Variants in CDON observed in about 807,000 individuals in gnomAD.
CDON encodes the protein cell adhesion molecule-related/down-regulated by oncogenes.
In CDON, 73 loss-of-function variants were observed where a neutral mutation model predicts 120.9. The ratio of observed to expected loss-of-function variants is 0.60; its 90% CI spans 0.50 to 0.73. CDON has a LOEUF of 0.73. Among genes scored for constraint, CDON ranks in the 30% least tolerant of loss-of-function variants. The pLI, the probability that CDON is intolerant of heterozygous loss-of-function variation, is 0.00. For synonymous variants in CDON, 566 were observed against 573.5 expected (o/e 0.99, Z 0.19); for missense variants, 1,470 against 1,587.3 (o/e 0.93, Z 1.26).
chr11:125,973,383 T>C (rs542355150), intron 18 of CDON, among the ~76,000 whole-genome samples: 1 of 151,982 alleles, frequency 6.6e-6, no homozygotes, highest in Non-Finnish European at 1.5e-5. Context: ...ATGCAAAAAA[T>C]TAGCCGGGCG....
chr11:125,965,926 G>C (rs1292430016), intron 18 of CDON, among the ~76,000 whole-genome samples: 1 of 152,158 alleles, frequency 6.6e-6, no homozygotes, highest in East Asian at 1.9e-4. Flanking sequence ...CCTGACGTCG[G>C]GAGTTCGAGA....
Position 126,010,602 on chromosome 11 carries a change from G to A in CDON, c.1291C>T (p.Leu431=), listed in dbSNP as rs1947270881. ...FVTLSCNASG[L]PVPVIRWYDS... Reference sequence around the variant, plus strand: ...TACCAACGAATGACCGGAACCGGCAGCCCACTGGCATTGCAGGACAGAGTA... The same window carrying A: ...TACCAACGAATGACCGGAACCGGCAACCCACTGGCATTGCAGGACAGAGTA... Residue 431 remains leucine (L), a synonymous_variant, in exon 8 of 20, where the codon CTG becomes TTG. Transcript: ENST00000531738. 1.2e-6 allele frequency: 2 copies of A among 1,614,064 alleles called. No homozygotes were observed. Among genetic ancestry groups the A allele is most frequent in the Admixed American group, 1.7e-5 (1 of 60,006 alleles).
In CDON at chr11:126,004,038, C is replaced by T. The variant is rs142039749; in HGVS notation, c.1890G>A (p.Thr630=). The change falls in exon 10 of 20, where the codon ACG becomes ACA. Residue 630 remains threonine (T), a synonymous_variant. Coordinates refer to ENST00000531738, the MANE Select transcript of CDON (RefSeq NM_001378964.1). ...CATTTTCACTTCCTGGGACTCGAAC[C>T]GTGTGCCAGCTTCCCAGCATGCCAA... ...DGVGMLGSWH[T]VRVPGSENEL... 16 of 1,613,950 alleles carry T rather than the reference C, an allele frequency of 9.9e-6. No homozygotes were observed. In the East Asian group the frequency reaches 1.3e-4, roughly 14 times the overall value.
Position 125,956,862 on chromosome 11 carries a change from C to T in CDON, c.*4080G>A, listed in dbSNP as rs79685272. 5,052 of 985,742 alleles carry T rather than the reference C, an allele frequency of 5.1e-3. 214 individuals are homozygous for T. In the African/African-American group the frequency reaches 0.081, roughly 16 times the overall value. The allele number at this position is 985,742 out of a possible 1,614,324, so 61.1% of individuals were successfully genotyped here. On this transcript the variant is annotated 3_prime_UTR_variant, in exon 20 of 20. Transcript: ENST00000531738. The stretch of plus-strand genomic sequence containing the variant: ...TTAGACTTTATTAGATAAGGGGTTT[C>T]GGCTACCCTCAAAGCTCTCAGGACT...
chr11:126,028,584 A>AAC (rs35583145), intron 1 of CDON, among the ~76,000 whole-genome samples: 67 of 151,882 alleles, frequency 4.4e-4, no homozygotes, highest in Non-Finnish European at 8.5e-4. Flanking sequence ...GTTGGTCTCG[A>AAC]ACTCCTGGCC....
chr11:125,978,191 C>A, intron 18 of CDON, 113 bp downstream of exon 18: 1 of 735,122 alleles, frequency 1.4e-6, no homozygotes, highest in South Asian at 1.5e-5. Context: ...GATTGCAAAT[C>A]CTGAACTTTA....
At chr11:126,042,039 C>T (rs1948276652) in intron 1 of CDON, among the ~76,000 whole-genome samples, 1 of 152,144 alleles carries the variant, frequency 6.6e-6, no homozygotes, top group Non-Finnish European at 1.5e-5. Context: ...CATGAGCCAC[C>T]ACGCCCAGCT....
At chr11:125,979,562 G>A (rs1017961939) in intron 17 of CDON, among the ~76,000 whole-genome samples, 2 of 152,126 alleles carry the variant, frequency 1.3e-5, no homozygotes, top group East Asian at 1.9e-4. Context: ...GTAAGAAAAC[G>A]AATAATTTAG....
chr11:126,028,197 G>T (rs1947848122), intron 1 of CDON, among the ~76,000 whole-genome samples: 1 of 151,922 alleles, frequency 6.6e-6, no homozygotes, highest in East Asian at 1.9e-4. Context: ...CGTATAAAAA[G>T]GAAAGTAAAC....
At chr11:126,001,636 AC>A (rs1302441891) in intron 11 of CDON, 82 bp downstream of exon 11, 1 of 1,169,126 alleles carries the variant, frequency 8.6e-7, no homozygotes, top group African/African-American at 1.5e-5. Flanking sequence ...AAATAAACAA[AC>A]ACCCTATTCC....
At chr11:126,019,013 G>A (rs1019090548) in intron 4 of CDON, among the ~76,000 whole-genome samples, 1 of 152,166 alleles carries the variant, frequency 6.6e-6, no homozygotes, top group Non-Finnish European at 1.5e-5. Flanking sequence ...GCATGTTAAC[G>A]GTAGTGAATC....
intron 14 of CDON, among the ~76,000 whole-genome samples, chr11:125,993,960 A>T (rs1340104925): frequency 6.6e-6 from 1 of 152,234 alleles, no homozygotes. Flanking sequence ...ATATTTTTTT[A>T]AAGTAGCTAG....
chr11:125,992,337 T>C lies in CDON; in HGVS notation c.2650+1947A>G, dbSNP rs149911584. ...TTTTGCACCAACCTAAATATTATCC[T>C]TCCATTTCTTTTTAAAAATAGGCTT... is the stretch of plus-strand genomic sequence containing the variant. On this transcript the variant is annotated intron_variant, in intron 14 of 19. Transcript: ENST00000531738. Among the ~76,000 whole-genome samples, 303 of 152,274 alleles carry C rather than the reference T, an allele frequency of 2.0e-3. 1 individual carries two copies. The highest frequency in any genetic ancestry group is 3.8e-3 in the Non-Finnish European group (258 of 68,022).
intron 1 of CDON, among the ~76,000 whole-genome samples, chr11:126,044,200 T>G (rs1948341371): frequency 6.6e-6 from 1 of 152,176 alleles, no homozygotes; most frequent in African/African-American, 2.4e-5. Context: ...GTTAATATGG[T>G]TCATCAACAA....
At chr11:126,006,641 C>T (rs1419348701) in intron 8 of CDON, among the ~76,000 whole-genome samples, 1 of 152,178 alleles carries the variant, frequency 6.6e-6, no homozygotes, top group Non-Finnish European at 1.5e-5. Context: ...TGCACTCCAG[C>T]CTGGGCAACA....
At chr11:125,985,318 CAT>C (rs1363843081) in intron 15 of CDON, among the ~76,000 whole-genome samples, 5 of 152,186 alleles carry the variant, frequency 3.3e-5, no homozygotes, top group Admixed American at 6.5e-5. Flanking sequence ...GGATTACACA[CAT>C]GTGCCCCCAC....
chr11:126,015,545 T>A, intron 6 of CDON, 35 bp from the exon 7 acceptor site: 1 of 1,606,326 alleles, frequency 6.2e-7, no homozygotes, highest in Non-Finnish European at 8.5e-7. Flanking sequence ...ACTCTAGCCC[T>A]CAAAATGTAC....
At chr11:126,020,536 A>C in intron 3 of CDON, among the ~76,000 whole-genome samples, 1 of 152,166 alleles carries the variant, frequency 6.6e-6, no homozygotes, top group East Asian at 1.9e-4. Context: ...CATGGGTCAC[A>C]GCTCTACAAA....
In CDON at chr11:126,018,347, C is replaced by A. The variant is rs754962623; in HGVS notation, c.623G>T (p.Arg208Leu). The A allele has an allele frequency of 1.2e-6, 2 of 1,613,842 alleles. No homozygotes were observed. The highest frequency in any genetic ancestry group is 2.7e-5 in the African/African-American group (2 of 75,060). The change falls in exon 5 of 20, where the codon CGA becomes CTA. Residue 208 changes from arginine to leucine, a missense_variant. Transcript: ENST00000531738. ...THQLKVEPIG[R>L]KLLVSRPSSD... Reference sequence around the variant, plus strand: ...ATACTTACGACTCACAAGGAGCTTTCGGCCAATAGGTTCAACTTTTAATTG... The same window carrying A: ...ATACTTACGACTCACAAGGAGCTTTAGGCCAATAGGTTCAACTTTTAATTG...
Sources: gnomAD v4.1 joint callset for allele counts (sites outside exome capture counted in the v4.1 genomes callset) on GRCh38, gnomAD v4.1.1 for gene constraint, MANE v1.5 for transcripts, NCBI Gene and HGNC (gene_info 2026-07-23, HGNC 2026-07-21) for gene names.